DAAM2: variants seen among roughly 807,000 people sequenced by gnomAD.
The protein encoded by DAAM2 is dishevelled associated activator of morphogenesis 2.
Under a neutral mutation model 120.7 loss-of-function variants are expected in DAAM2, and 39 were observed. That is an observed-to-expected ratio of 0.32 (90% confidence interval 0.25 to 0.42). The LOEUF (loss-of-function observed/expected upper bound fraction) is 0.42, where lower values mean the gene tolerates loss of function less well. Among genes scored for constraint, DAAM2 ranks in the 10% least tolerant of loss-of-function variants. The pLI is 1.00. For synonymous variants in DAAM2, 488 were observed against 524.9 expected, an observed-to-expected ratio of 0.93 and a Z score of 0.96; for missense variants, 1,283 against 1,401.7, an observed-to-expected ratio of 0.92 and a Z score of 1.35.
At chr6:39,887,613 T>C in intron 16 of DAAM2, 21 bp downstream of exon 16, 1 of 1,549,778 alleles carries the variant, frequency 6.5e-7, no homozygotes. Context: ...AAGAAGGTGG[T>C]TGAGTTGGAT....
chr6:39,888,487 A>C (rs1765505829), intron 16 of DAAM2, 192 bp from the exon 17 acceptor site: 1 of 482,484 alleles, frequency 2.1e-6, no homozygotes, highest in Non-Finnish European at 3.9e-6. Context: ...TTTGACACTA[A>C]AATGCTCATT....
intron 17 of DAAM2, among the ~76,000 whole-genome samples, chr6:39,890,125 C>A (rs1485895523): frequency 4.7e-5 from 7 of 149,514 alleles, no homozygotes; most frequent in African/African-American, 9.9e-5. Context: ...GAGACTCCAT[C>A]AAAAAAAAAG....
chr6:39,822,439 AC>A (rs1387503728), intron 1 of DAAM2: 1 of 152,190 alleles, frequency 6.6e-6, no homozygotes. Context: ...CTGGGGATTT[AC>A]CAAAATATAA....
At chr6:39,827,779 C>T (rs753299577) in intron 1 of DAAM2, among the ~76,000 whole-genome samples, 1 of 152,122 alleles carries the variant, frequency 6.6e-6, no homozygotes, top group Non-Finnish European at 1.5e-5. Context: ...AAATCACAAA[C>T]CCAGTTTCAG....
At chr6:39,861,193 A>C in intron 3 of DAAM2, 176 bp downstream of exon 3, 1 of 688,634 alleles carries the variant, frequency 1.5e-6, no homozygotes, top group Non-Finnish European at 2.7e-6. Context: ...CCTGGAGCTT[A>C]CACTCAAAGA....
In DAAM2 at chr6:39,901,393, T is replaced by C; in HGVS notation, c.2903T>C (p.Phe968Ser). The C allele has an allele frequency of 6.2e-7, 1 of 1,613,794 alleles. No homozygotes were observed. The highest frequency in any genetic ancestry group is 1.7e-4 in the Middle Eastern group (1 of 6,058). Residue 968 changes from phenylalanine (F) to serine (S), a missense_variant, in exon 24 of 25, where the codon TTC (phenylalanine) becomes TCC (serine). Phe to Ser is a radical substitution (Grantham distance 155). This residue lies in a region of DAAM2 where 748 missense variants were observed against 768.6 expected (regional missense o/e 0.97). Transcript: ENST00000274867. The surrounding 1 kb of genome is among the most constrained non-coding windows in gnomAD (Gnocchi z 4.5). ...ATCTTTGATACCTTCTTGCAGGCCT[T>C]CTCAGAGGCCCGGCAGGATCTAGAG... ...FGIFDTFLQA[F>S]SEARQDLEAM... is the part of the protein sequence containing the mutation.
At chr6:39,882,139 TGGC>T (rs1203975104) in intron 14 of DAAM2, 3 of 152,190 alleles carry the variant, frequency 2.0e-5, no homozygotes, top group Non-Finnish European at 2.9e-5. Context: ...GATGGGCTCT[TGGC>T]CAGAGTGGTG....
intron 3 of DAAM2, chr6:39,861,812 T>A (rs1244272420): frequency 6.5e-6 from 1 of 153,232 alleles, no homozygotes; most frequent in Non-Finnish European, 1.5e-5. Context: ...CTACATTGCT[T>A]TGGTGTTTGG....
At chr6:39,800,767 C>T (rs1018967336) in intron 1 of DAAM2, among the ~76,000 whole-genome samples, 3 of 152,212 alleles carry the variant, frequency 2.0e-5, no homozygotes, top group Non-Finnish European at 2.9e-5. Flanking sequence ...TTCTAACGGG[C>T]GTGCCAGCTT....
At position 39,870,560 on chromosome 6, in the gene DAAM2, C is replaced by A. The variant is rs1027969677; in HGVS notation, c.977+117C>A. 118 of 696,964 alleles carry A rather than the reference C, an allele frequency of 1.7e-4. No homozygotes were observed. In the African/African-American group the frequency reaches 1.8e-3, roughly 11 times the overall value. 43.2% of individuals were successfully genotyped at this position (696,964 alleles called of 1,614,324 possible). On this transcript the variant is annotated intron_variant, in intron 8 of 24. Coordinates refer to ENST00000274867, the MANE Select transcript of DAAM2 (RefSeq NM_001201427.2). ...TCTGGAGACCAGCTGCCATTCCCAG[C>A]GCAGATTCAGAATCAGCTCTGTGGG... is the stretch of plus-strand genomic sequence containing the variant.
chr6:39,889,170 T>TG (rs1765548739), intron 17 of DAAM2: 1 of 154,852 alleles, frequency 6.5e-6, no homozygotes, highest in African/African-American at 2.4e-5. Flanking sequence ...AGAAGATATT[T>TG]GCTATACATA....
chr6:39,827,440 GA>G (rs1762714336), intron 1 of DAAM2, among the ~76,000 whole-genome samples: 1 of 152,190 alleles, frequency 6.6e-6, no homozygotes, highest in Non-Finnish European at 1.5e-5. Flanking sequence ...AGCTATCCAG[GA>G]GCTGAAGTGG....
intron 1 of DAAM2, among the ~76,000 whole-genome samples, chr6:39,802,966 G>A (rs1761911065): frequency 6.6e-6 from 1 of 152,046 alleles, no homozygotes; most frequent in Admixed American, 6.6e-5. Context: ...TCATACAGTG[G>A]GTGCTTATTT....
chr6:39,888,563 G>T (rs966523074), intron 16 of DAAM2, 116 bp from the exon 17 acceptor site: 34 of 755,898 alleles, frequency 4.5e-5, no homozygotes, highest in Non-Finnish European at 6.9e-5. Flanking sequence ...GGTGAGGGGG[G>T]AATACTATTA....
rs529952474 is a variant in DAAM2 at position 39,901,134 on chromosome 6, C to G, written c.2812-168C>G. On this transcript the variant is annotated intron_variant, in intron 23 of 24. Transcript: ENST00000274867. The surrounding 1 kb of genome is among the most constrained non-coding windows in gnomAD (Gnocchi z 4.5). Reference sequence around the variant, plus strand: ...GCCTCTCCTTAGCCTTGTCTCTGATCCTGATGATGATGGGGGTGTCTTCTC... The same window carrying G: ...GCCTCTCCTTAGCCTTGTCTCTGATGCTGATGATGATGGGGGTGTCTTCTC... 1.3e-4 allele frequency among the ~76,000 whole-genome samples: 20 copies of G among 152,188 alleles called. No homozygotes were observed. In the South Asian group the frequency reaches 4.2e-3, roughly 32 times the overall value.
At chr6:39,824,281 C>G (rs1179324247) in intron 1 of DAAM2, among the ~76,000 whole-genome samples, 1 of 152,176 alleles carries the variant, frequency 6.6e-6, no homozygotes, top group Non-Finnish European at 1.5e-5. Flanking sequence ...CTCCCCATCC[C>G]CCTAGAGCCC....
rs563748081 is a variant in DAAM2, at chr6:39,856,261, C to T, written c.-42C>T. ...CTCTTGTCCAGATCACAATGAGGACCTAGGGCATCTGTCTGCTGACGCCCC... is the reference window on the plus strand; with the variant it reads ...CTCTTGTCCAGATCACAATGAGGACTTAGGGCATCTGTCTGCTGACGCCCC... On this transcript the variant is annotated 5_prime_UTR_variant, in exon 2 of 25. Coordinates refer to ENST00000274867, the MANE Select transcript of DAAM2 (RefSeq NM_001201427.2). The T allele has an allele frequency of 1.4e-6, 2 of 1,431,976 alleles. No homozygotes were observed. Among genetic ancestry groups the T allele is most frequent in the Non-Finnish European group, 1.8e-6 (2 of 1,091,106 alleles). The allele number at this position is 1,431,976 out of a possible 1,614,324, so 88.7% of individuals were successfully genotyped here.
Position 39,856,452 on chromosome 6 carries a change from C to T in DAAM2, c.150C>T (p.Ile50=), listed in dbSNP as rs756332066. The T allele has an allele frequency of 1.4e-6, 2 of 1,468,334 alleles. No individual in the cohort carries two copies. Among genetic ancestry groups the T allele is most frequent in the East Asian group, 2.7e-5 (1 of 37,054 alleles). The allele number at this position is 1,468,334 out of a possible 1,614,324, so 91.0% of individuals were successfully genotyped here. Reference sequence around the variant, plus strand: ...TCCCGAACGCAGAGGAGCTCAACATCCGCTTTGCAGAGCTGGTGGTCAGTG... The same window carrying T: ...TCCCGAACGCAGAGGAGCTCAACATTCGCTTTGCAGAGCTGGTGGTCAGTG... ...SPIPNAEELN[I]RFAELVDELD... is the part of the protein sequence containing the mutation. The change falls in exon 2 of 25, where the codon ATC becomes ATT. Residue 50 remains isoleucine, a synonymous_variant. Transcript: ENST00000274867.
At chr6:39,803,966 A>T (rs565904299) in intron 1 of DAAM2, among the ~76,000 whole-genome samples, 1 of 152,148 alleles carries the variant, frequency 6.6e-6, no homozygotes, top group African/African-American at 2.4e-5. Context: ...CACTGGAGGG[A>T]ATAGTCACAG....
Sources: gnomAD v4.1 joint callset for allele counts (sites outside exome capture counted in the v4.1 genomes callset) on GRCh38, gnomAD v4.1.1 for gene constraint, gnomAD v4.1.1 regional missense constraint, Gnocchi (gnomAD v3.1) non-coding constraint, MANE v1.5 for transcripts, NCBI Gene and HGNC (gene_info 2026-07-23, HGNC 2026-07-21) for gene names.